The following ANKRD55 variants were observed in gnomAD, a reference collection of about 807,000 sequenced individuals.
ANKRD55 encodes the protein ankyrin repeat domain-containing protein 55.
Under a neutral mutation model 60.6 loss-of-function variants are expected in ANKRD55, and 41 were observed. The ratio of observed to expected loss-of-function variants is 0.68; its 90% CI spans 0.53 to 0.88. The LOEUF is 0.88. ANKRD55 is among the 40% of genes least tolerant of loss of function. The pLI, the probability that ANKRD55 is intolerant of heterozygous loss-of-function variation, is 0.00. For synonymous variants in ANKRD55, 264 were observed against 290.3 expected (o/e 0.91, Z 0.92); for missense variants, 732 against 767.6 (o/e 0.95, Z 0.55).
intron 6 of ANKRD55, among the ~76,000 whole-genome samples, chr5:56,149,288 GCACTAGGAAGGGCTGCTAATAACGA>G (rs1757980293): frequency 2.0e-5 from 3 of 152,068 alleles, no homozygotes; most frequent in Admixed American, 2.0e-4. Context: ...GGATTTTAGG[GCACTAGGAAGGGCTGCTAATAACGA>G]CACTCTTTAA....
chr5:56,121,959 G>A (rs919781604), intron 8 of ANKRD55, among the ~76,000 whole-genome samples: 1 of 152,162 alleles, frequency 6.6e-6, no homozygotes, highest in African/African-American at 2.4e-5. Context: ...TGTCTTGGAT[G>A]AAGGACTCTG....
At chr5:56,190,704 T>C (rs1759074958) in intron 2 of ANKRD55, among the ~76,000 whole-genome samples, 1 of 152,112 alleles carries the variant, frequency 6.6e-6, no homozygotes, top group Non-Finnish European at 1.5e-5. Context: ...CAACATGTGG[T>C]GAGGATGATC....
intron 2 of ANKRD55, among the ~76,000 whole-genome samples, chr5:56,230,419 G>A (rs970133504): frequency 3.2e-4 from 48 of 152,154 alleles, no homozygotes; most frequent in African/African-American, 1.1e-3. Flanking sequence ...CAGCCAATGT[G>A]AGAACCAACA....
intron 10 of ANKRD55, among the ~76,000 whole-genome samples, chr5:56,105,646 C>T (rs560453422): frequency 1.1e-4 from 17 of 152,226 alleles, no homozygotes; most frequent in South Asian, 1.0e-3. Flanking sequence ...TTGAGATGGG[C>T]GGTGCAGAAG....
At chr5:56,121,476 G>C (rs1041364592) in intron 8 of ANKRD55, among the ~76,000 whole-genome samples, 3 of 150,046 alleles carry the variant, frequency 2.0e-5, no homozygotes, top group Non-Finnish European at 2.9e-5. Context: ...GGGTTCAAGC[G>C]ATTCTCCTGC....
intron 5 of ANKRD55, among the ~76,000 whole-genome samples, chr5:56,160,263 G>A (rs1758293160): frequency 6.6e-6 from 1 of 152,154 alleles, no homozygotes; most frequent in South Asian, 2.1e-4. Context: ...CTTTGAGATG[G>A]AGTCTCGCTC....
intron 7 of ANKRD55, among the ~76,000 whole-genome samples, chr5:56,140,176 T>C (rs1414698087): frequency 6.6e-6 from 1 of 152,194 alleles, no homozygotes; most frequent in African/African-American, 2.4e-5. Context: ...GGAAATAGAC[T>C]CATTCGTATG....
intron 2 of ANKRD55, among the ~76,000 whole-genome samples, chr5:56,212,409 A>G (rs577671024): frequency 1.4e-4 from 21 of 152,358 alleles, no homozygotes; most frequent in African/African-American, 4.1e-4. Context: ...ATAGTGAAAC[A>G]ATAGAGAAGG....
At chr5:56,182,986 T>C (rs189662366) in intron 3 of ANKRD55, among the ~76,000 whole-genome samples, 44 of 152,330 alleles carry the variant, frequency 2.9e-4, no homozygotes, top group African/African-American at 1.1e-3. Context: ...CATTTCTGGG[T>C]TGCCAGCTTC....
chr5:56,142,920 C>G (rs1453185190), intron 7 of ANKRD55, among the ~76,000 whole-genome samples: 2 of 152,204 alleles, frequency 1.3e-5, no homozygotes, highest in Non-Finnish European at 1.5e-5. Context: ...GAAAACAGAG[C>G]AGTTTCCAGA....
intron 7 of ANKRD55, among the ~76,000 whole-genome samples, chr5:56,139,675 G>A (rs1351186994): frequency 1.3e-5 from 2 of 152,186 alleles, no homozygotes; most frequent in Admixed American, 6.5e-5. Context: ...GAGAGGAAAG[G>A]TCAGGGGTGG....
intron 2 of ANKRD55, among the ~76,000 whole-genome samples, chr5:56,201,337 C>T (rs971872128): frequency 2.0e-5 from 3 of 152,168 alleles, no homozygotes; most frequent in Non-Finnish European, 2.9e-5. Context: ...CTCTGTGGAC[C>T]TTCACCTGGG....
intron 8 of ANKRD55, among the ~76,000 whole-genome samples, chr5:56,124,945 G>A (rs1053901689): frequency 6.6e-6 from 1 of 152,202 alleles, no homozygotes; most frequent in African/African-American, 2.4e-5. Context: ...TACTGGATTG[G>A]AAAGGACTCT....
intron 6 of ANKRD55, among the ~76,000 whole-genome samples, chr5:56,156,335 T>C (rs1165578049): frequency 2.0e-5 from 3 of 152,208 alleles, no homozygotes; most frequent in Non-Finnish European, 2.9e-5. Context: ...AGAAGTCCCT[T>C]TGCATGAGGA....
intron 4 of ANKRD55, among the ~76,000 whole-genome samples, chr5:56,173,580 C>CTATATATATATATA (rs1162215148): frequency 1.7e-5 from 1 of 59,768 alleles, no homozygotes; most frequent in African/African-American, 6.8e-5. Context: ...CTCTCTCTCT[C>CTATATATATATATA]TCTATATATA....
At chr5:56,174,242 A>T (rs1758686828) in intron 4 of ANKRD55, among the ~76,000 whole-genome samples, 1 of 152,190 alleles carries the variant, frequency 6.6e-6, no homozygotes, top group South Asian at 2.1e-4. Flanking sequence ...CGTGATTTAG[A>T]GGAGTACTTC....
chr5:56,106,580 C>T (rs1756486555), intron 10 of ANKRD55, among the ~76,000 whole-genome samples: 1 of 151,978 alleles, frequency 6.6e-6, no homozygotes, highest in Admixed American at 6.6e-5. Flanking sequence ...CCCGCCACCA[C>T]ACCTGGCTAA....
At chr5:56,224,810 A>G (rs887184967) in intron 2 of ANKRD55, among the ~76,000 whole-genome samples, 3 of 152,228 alleles carry the variant, frequency 2.0e-5, no homozygotes, top group Non-Finnish European at 2.9e-5. Context: ...GAATAGGACA[A>G]TAATAGGCTC....
At chr5:56,137,923 T>C (rs948712243) in intron 7 of ANKRD55, among the ~76,000 whole-genome samples, 2 of 152,140 alleles carry the variant, frequency 1.3e-5, no homozygotes, top group African/African-American at 4.8e-5. Flanking sequence ...CATGAAAAGA[T>C]GCACCACATC....
Sources: gnomAD v4.1 joint callset for allele counts (sites outside exome capture counted in the v4.1 genomes callset) on GRCh38, gnomAD v4.1.1 for gene constraint, MANE v1.5 for transcripts, NCBI Gene and HGNC (gene_info 2026-07-23, HGNC 2026-07-21) for gene names.